PRKCA: variants seen among roughly 807,000 people sequenced by gnomAD.
PRKCA encodes protein kinase C alpha.
In PRKCA, 27 loss-of-function variants were observed where a neutral mutation model predicts 87.0. The ratio of observed to expected loss-of-function variants is 0.31; its 90% CI spans 0.23 to 0.43. PRKCA has a LOEUF of 0.43. Ranked by LOEUF, PRKCA falls within the 20% of genes least tolerant of loss-of-function variation. The pLI, the probability that PRKCA is intolerant of heterozygous loss-of-function variation, is 1.00. For synonymous variants in PRKCA, 329 were observed against 311.1 expected (o/e 1.06, Z -0.61); for missense variants, 518 against 852.3 (o/e 0.61, Z 4.88).
chr17:66,305,159 T>TAA (rs1270947372), intron 1 of PRKCA, among the ~76,000 whole-genome samples: 1 of 135,642 alleles, frequency 7.4e-6, no homozygotes, highest in Non-Finnish European at 1.7e-5. Flanking sequence ...ACGGGGATTG[T>TAA]CTTTTTCAGT....
intron 2 of PRKCA, among the ~76,000 whole-genome samples, chr17:66,487,628 T>TGTAAA (rs1916042282): frequency 1.3e-5 from 2 of 152,196 alleles, no homozygotes; most frequent in Non-Finnish European, 2.9e-5. Context: ...CCACTTTACA[T>TGTAAA]TCCCACCAGC....
At chr17:66,471,680 G>A (rs1915334117) in intron 2 of PRKCA, among the ~76,000 whole-genome samples, 1 of 141,812 alleles carries the variant, frequency 7.1e-6, no homozygotes, top group African/African-American at 2.7e-5. Context: ...GGGATATAAA[G>A]CAACAGTGAA....
chr17:66,798,130 G>A (rs980838805), intron 16 of PRKCA, among the ~76,000 whole-genome samples: 5 of 152,112 alleles, frequency 3.3e-5, no homozygotes, highest in Admixed American at 6.5e-5. Flanking sequence ...CATTCACTTG[G>A]CGTTCATGCA....
At chr17:66,606,030 G>A (rs910513450) in intron 3 of PRKCA, among the ~76,000 whole-genome samples, 2 of 152,228 alleles carry the variant, frequency 1.3e-5, no homozygotes, top group Non-Finnish European at 1.5e-5. Context: ...AAAAACCATC[G>A]AACTGTATAC....
intron 2 of PRKCA, among the ~76,000 whole-genome samples, chr17:66,381,178 G>A (rs1316918295): frequency 6.6e-6 from 1 of 152,058 alleles, no homozygotes; most frequent in Non-Finnish European, 1.5e-5. Context: ...TTGGCCTCAA[G>A]CAGTCCCCCT....
chr17:66,331,021 G>A (rs1410550856), intron 2 of PRKCA, among the ~76,000 whole-genome samples: 1 of 152,198 alleles, frequency 6.6e-6, no homozygotes, highest in Non-Finnish European at 1.5e-5. Flanking sequence ...TTAACAAGGG[G>A]TTGTGTCTAA....
At chr17:66,351,613 G>A (rs1036019272) in intron 2 of PRKCA, among the ~76,000 whole-genome samples, 3 of 152,212 alleles carry the variant, frequency 2.0e-5, no homozygotes, top group African/African-American at 7.2e-5. Context: ...CTAAAGAAAT[G>A]TGTGCTATAA....
chr17:66,643,807 A>G (rs139258723), intron 4 of PRKCA, among the ~76,000 whole-genome samples: 2 of 152,234 alleles, frequency 1.3e-5, no homozygotes, highest in East Asian at 1.9e-4. Context: ...TGCAATTGCA[A>G]TCCTAGATAG....
chr17:66,502,572 GA>G (rs1327097730), intron 3 of PRKCA, among the ~76,000 whole-genome samples: 1 of 151,902 alleles, frequency 6.6e-6, no homozygotes, highest in Non-Finnish European at 1.5e-5. Context: ...TCTTAAGTGA[GA>G]AAGCTACAAA....
intron 3 of PRKCA, among the ~76,000 whole-genome samples, chr17:66,636,458 A>G (rs1408209710): frequency 6.6e-6 from 1 of 152,200 alleles, no homozygotes; most frequent in Non-Finnish European, 1.5e-5. Flanking sequence ...AAGTCCAGGC[A>G]TGGGGTGCAG....
intron 15 of PRKCA, chr17:66,787,312 C>T (rs1254678333): frequency 2.5e-6 from 1 of 408,076 alleles, no homozygotes; most frequent in African/African-American, 2.0e-5. Context: ...ACCATCGTTT[C>T]CTTATCCATT....
chr17:66,372,628 T>A (rs978294881), intron 2 of PRKCA, among the ~76,000 whole-genome samples: 3 of 152,246 alleles, frequency 2.0e-5, no homozygotes, highest in Non-Finnish European at 4.4e-5. Context: ...CACATAACTA[T>A]GTAAGTATAT....
intron 13 of PRKCA, among the ~76,000 whole-genome samples, chr17:66,758,228 T>C (rs189136943): frequency 1.2e-3 from 178 of 152,352 alleles, no homozygotes; most frequent in Non-Finnish European, 1.7e-3. Flanking sequence ...GCAGAAAATT[T>C]TTGTGCTCTG....
Position 66,517,051 on chromosome 17 carries a change from C to T in PRKCA, c.288+20768C>T, listed in dbSNP as rs145814284. Among the ~76,000 whole-genome samples, 137 of 152,206 alleles carry T rather than the reference C, an allele frequency of 9.0e-4. No individual in the cohort carries two copies. In the East Asian group the frequency reaches 0.024, roughly 27 times the overall value. On this transcript the variant is annotated intron_variant, in intron 3 of 16. Coordinates refer to ENST00000413366, the MANE Select transcript of PRKCA (RefSeq NM_002737.3). ...CTGTAATCCCAGCACTTTGGGAAGC[C>T]GAGGCGGGCGGATCACGAGGTCAAG...
rs1195339827 is a variant in PRKCA, at chr17:66,809,510, GT to G, written c.*5478del. 1 of 152,274 alleles carries G rather than the reference GT, an allele frequency of 6.6e-6. No homozygotes were observed. The highest frequency in any genetic ancestry group is 1.5e-5 in the Non-Finnish European group (1 of 68,030). The allele number at this position is 152,274 out of a possible 1,614,324, so 9.4% of individuals were successfully genotyped here. On this transcript the variant is annotated 3_prime_UTR_variant, in exon 17 of 17. Transcript: ENST00000413366. ...TTTAATAATAATTCTTTAAAAATGA[GT>G]TTTTAGAACAAAGCAACTGACGATT...
chr17:66,513,542 T>G (rs1031253321), intron 3 of PRKCA, among the ~76,000 whole-genome samples: 1 of 152,210 alleles, frequency 6.6e-6, no homozygotes, highest in Non-Finnish European at 1.5e-5. Flanking sequence ...TTTAAAACCT[T>G]GAGAATAATT....
intron 2 of PRKCA, among the ~76,000 whole-genome samples, chr17:66,355,250 C>T (rs576657822): frequency 3.3e-5 from 5 of 152,116 alleles, no homozygotes; most frequent in African/African-American, 7.2e-5. Context: ...TGGCAGCCAA[C>T]CCAGATCCTT....
At chr17:66,749,770 CCT>C (rs1568012050) in intron 13 of PRKCA, among the ~76,000 whole-genome samples, 1 of 152,122 alleles carries the variant, frequency 6.6e-6, no homozygotes, top group Non-Finnish European at 1.5e-5. Flanking sequence ...AGAGATGAAG[CCT>C]TGGAGACTGA....
At chr17:66,530,835 TG>T (rs767298471) in intron 3 of PRKCA, among the ~76,000 whole-genome samples, 2 of 151,318 alleles carry the variant, frequency 1.3e-5, no homozygotes, top group Non-Finnish European at 2.9e-5. Context: ...GTGGTAATAT[TG>T]GGGCAAGTGG....
Sources: allele counts gnomAD v4.1 joint callset (sites outside exome capture counted in the v4.1 genomes callset), GRCh38; gene constraint gnomAD v4.1.1; transcripts MANE v1.5; gene names NCBI Gene and HGNC (gene_info 2026-07-23, HGNC 2026-07-21).